The following GRM5 variants were observed in gnomAD, a reference collection of about 807,000 sequenced individuals.
GRM5 encodes metabotropic glutamate receptor 5.
A neutral mutation model predicts 83.1 loss-of-function variants in GRM5; 19 were observed. The observed-to-expected ratio is 0.23, with a 90% CI of 0.16 to 0.34. The LOEUF (loss-of-function observed/expected upper bound fraction) is 0.34. Ranked by LOEUF, GRM5 falls within the 10% of genes least tolerant of loss-of-function variation. The pLI, the probability that GRM5 is intolerant of heterozygous loss-of-function variation, is 1.00. For missense variants in GRM5, 1,160 were observed against 1,588.3 expected (o/e 0.73, Z 4.58); for synonymous variants, 675 against 633.6 (o/e 1.07, Z -0.98).
At chr11:88,840,478 C>CTT (rs1044919115) in intron 3 of GRM5, among the ~76,000 whole-genome samples, 1 of 151,412 alleles carries the variant, frequency 6.6e-6, no homozygotes. Flanking sequence ...TTACCCCCAC[C>CTT]TTTTTTTTTC....
At chr11:89,061,171 A>G (rs1174870815) in intron 1 of GRM5, among the ~76,000 whole-genome samples, 1 of 152,180 alleles carries the variant, frequency 6.6e-6, no homozygotes, top group Admixed American at 6.5e-5. Context: ...CGAGATACAC[A>G]TAAAAGTACC....
chr11:88,978,475 A>T (rs1444878603), intron 2 of GRM5, among the ~76,000 whole-genome samples: 1 of 6,926 alleles, frequency 1.4e-4, no homozygotes, highest in South Asian at 9.3e-3. Flanking sequence ...AGATGAGCTT[A>T]AAAAAAAAAA....
chr11:88,770,255 G>A (rs1476560712), intron 3 of GRM5, among the ~76,000 whole-genome samples: 11 of 151,920 alleles, frequency 7.2e-5, no homozygotes, highest in African/African-American at 4.8e-5. Context: ...TGGTATACTG[G>A]ATGCGACCCC....
At chr11:88,684,397 C>T (rs917447787) in intron 3 of GRM5, among the ~76,000 whole-genome samples, 2 of 152,126 alleles carry the variant, frequency 1.3e-5, no homozygotes, top group Admixed American at 1.3e-4. Flanking sequence ...ATCTAATATG[C>T]TAATCCAGGT....
intron 3 of GRM5, among the ~76,000 whole-genome samples, chr11:88,756,945 C>A (rs1942406382): frequency 6.6e-6 from 1 of 152,034 alleles, no homozygotes; most frequent in Non-Finnish European, 1.5e-5. Flanking sequence ...GCTCAATGAA[C>A]TCCAATTAAA....
rs183847193 is a variant in GRM5 at position 88,831,357 on chromosome 11, G to T, written c.911+18549C>A. The stretch of plus-strand genomic sequence containing the variant: ...TATCTCACTTGTAGCCACCACTTGG[G>T]GCTAAAGATTGAACTCCCAGCCTCC... On this transcript the variant is annotated intron_variant, in intron 3 of 9. Transcript: ENST00000305447. 7.7e-4 allele frequency among the ~76,000 whole-genome samples: 118 copies of T among 152,260 alleles called. 1 individual carries two copies. Among genetic ancestry groups the T allele is most frequent in the African/African-American group, 2.8e-3 (116 of 41,548 alleles).
chr11:88,665,556 A>G (rs1047847709), intron 3 of GRM5, among the ~76,000 whole-genome samples: 6 of 152,208 alleles, frequency 3.9e-5, no homozygotes, highest in Non-Finnish European at 8.8e-5. Context: ...TAAATAATCA[A>G]AAATTACACT....
At chr11:88,597,143 A>T (rs200614618) in intron 6 of GRM5, 41 bp downstream of exon 6, 7 of 1,359,276 alleles carry the variant, frequency 5.1e-6, no homozygotes, top group Non-Finnish European at 7.0e-6. Context: ...AACACTGTTG[A>T]ATTTACAACA....
chr11:88,938,388 G>T (rs1257708722), intron 2 of GRM5, among the ~76,000 whole-genome samples: 1 of 151,298 alleles, frequency 6.6e-6, no homozygotes, highest in Non-Finnish European at 1.5e-5. Flanking sequence ...CATACACGAA[G>T]GACTATATAT....
intron 2 of GRM5, among the ~76,000 whole-genome samples, chr11:89,007,742 T>C (rs1940571802): frequency 1.3e-5 from 2 of 152,154 alleles, no homozygotes; most frequent in Admixed American, 6.5e-5. Context: ...TAATTACAAC[T>C]ATGAAGTGAA....
intron 3 of GRM5, among the ~76,000 whole-genome samples, chr11:88,729,155 C>T (rs1422763041): frequency 6.6e-6 from 1 of 152,144 alleles, no homozygotes; most frequent in African/African-American, 2.4e-5. Context: ...TCTCCTTAAG[C>T]TGATAAGCAA....
rs1295558909 is a variant in GRM5 at position 88,843,698 on chromosome 11, GC to G, written c.911+6207del. Among the ~76,000 whole-genome samples the G allele has an allele frequency of 4.6e-5, 7 of 152,222 alleles. No homozygotes were observed. In the East Asian group the frequency reaches 1.3e-3, roughly 29 times the overall value. On this transcript the variant is annotated intron_variant, in intron 3 of 9. Coordinates refer to ENST00000305447, the MANE Select transcript of GRM5 (RefSeq NM_001143831.3). ...ACTTAATGAGGAAGGTAAGGTGGAA[GC>G]AAATATAGGCCAAAAATTAGGCCTG...
intron 2 of GRM5, among the ~76,000 whole-genome samples, chr11:88,965,121 A>C (rs1016726312): frequency 3.3e-5 from 5 of 152,200 alleles, no homozygotes; most frequent in Non-Finnish European, 4.4e-5. Flanking sequence ...TAAGGCATAT[A>C]GTTATATTCT....
intron 4 of GRM5, among the ~76,000 whole-genome samples, chr11:88,638,583 G>T (rs978872402): frequency 1.3e-5 from 2 of 151,948 alleles, no homozygotes; most frequent in African/African-American, 4.8e-5. Context: ...TAAATGTTTG[G>T]CAGCAGTTCA....
chr11:88,938,580 C>T (rs1354564185), intron 2 of GRM5, among the ~76,000 whole-genome samples: 1 of 149,708 alleles, frequency 6.7e-6, no homozygotes, highest in Non-Finnish European at 1.5e-5. Flanking sequence ...AGAAGGTACA[C>T]CCCAGAGAAG....
rs1005215672 is a variant in GRM5, at chr11:88,940,315, GT to G, written c.662-90161del. ...AGTGTGATCTCATCCCAGGTTCATG[GT>G]TTTTTTTTTTTTTGGAAGACCTTTT... On this transcript the variant is annotated intron_variant, in intron 2 of 9. Coordinates refer to ENST00000305447, the MANE Select transcript of GRM5 (RefSeq NM_001143831.3). Among the ~76,000 whole-genome samples, 1,311 of 131,584 alleles carry G rather than the reference GT, an allele frequency of 1.0e-2. 15 individuals are homozygous for G. The highest frequency in any genetic ancestry group is 0.031 in the African/African-American group (1,132 of 36,428). The allele number at this position is 131,584 out of a possible 152,430, so 86.3% of individuals were successfully genotyped here.
At chr11:88,920,653 C>G (rs2135627847) in intron 2 of GRM5, among the ~76,000 whole-genome samples, 1 of 152,256 alleles carries the variant, frequency 6.6e-6, no homozygotes, top group East Asian at 1.9e-4. Context: ...GACAATATCT[C>G]TGATAAACAT....
intron 8 of GRM5, among the ~76,000 whole-genome samples, chr11:88,548,743 C>A (rs1226447363): frequency 6.6e-6 from 1 of 152,166 alleles, no homozygotes; most frequent in East Asian, 1.9e-4. Context: ...TATTACTAGG[C>A]ACTAGTGGAG....
intron 2 of GRM5, among the ~76,000 whole-genome samples, chr11:89,031,461 G>T (rs1941261498): frequency 6.6e-6 from 1 of 151,708 alleles, no homozygotes; most frequent in Non-Finnish European, 1.5e-5. Context: ...AAATAAAAAA[G>T]ACTCTGAGGG....
Sources: gnomAD v4.1 joint callset for allele counts (sites outside exome capture counted in the v4.1 genomes callset) on GRCh38, gnomAD v4.1.1 for gene constraint, MANE v1.5 for transcripts, NCBI Gene and HGNC (gene_info 2026-07-23, HGNC 2026-07-21) for gene names.